Variants in FUT8 observed in about 807,000 individuals in gnomAD.
FUT8 encodes the protein alpha-(1,6)-fucosyltransferase.
In FUT8, 29 loss-of-function variants were observed where a neutral mutation model predicts 71.3. The observed-to-expected ratio is 0.41, with a 90% CI of 0.30 to 0.55. The LOEUF is 0.55. Among genes scored for constraint, FUT8 ranks in the 20% least tolerant of loss-of-function variants. The pLI, the probability that FUT8 is intolerant of heterozygous loss-of-function variation, is 0.34. For missense variants in FUT8, 544 were observed against 702.1 expected (o/e 0.77, Z 2.55); for synonymous variants, 254 against 239.3 (o/e 1.06, Z -0.57).
the FUT8 span, among the ~76,000 whole-genome samples, chr14:65,362,538 A>C: frequency 6.6e-6 from 1 of 151,260 alleles, no homozygotes; most frequent in Non-Finnish European, 1.5e-5. Flanking sequence ...AACAAACAAA[A>C]AGCCCAAATT....
intron 2 of FUT8, among the ~76,000 whole-genome samples, chr14:65,539,508 C>A (rs1185756973): frequency 6.6e-6 from 1 of 152,118 alleles, no homozygotes; most frequent in Non-Finnish European, 1.5e-5. Flanking sequence ...GGATTTGAAT[C>A]CTGGCTCTAC....
chr14:65,412,402 A>G (rs920751799), upstream of FUT8: 16 of 449,836 alleles, frequency 3.6e-5, 1 homozygote, highest in Non-Finnish European at 5.4e-5. Flanking sequence ...TAGGGAGCAC[A>G]GCATTCTCTG....
intron 2 of FUT8, among the ~76,000 whole-genome samples, chr14:65,552,174 T>C (rs1885326795): frequency 6.6e-6 from 1 of 152,192 alleles, no homozygotes; most frequent in Non-Finnish European, 1.5e-5. Context: ...TGGAATAGTT[T>C]ATATTCAGTT....
chr14:65,712,672 T>C (rs1894864107), intron 7 of FUT8, among the ~76,000 whole-genome samples: 1 of 152,222 alleles, frequency 6.6e-6, no homozygotes, highest in Non-Finnish European at 1.5e-5. Flanking sequence ...CTCAAACTTC[T>C]GACCTCAGGT....
At chr14:65,494,186 G>A (rs957501663) in intron 2 of FUT8, among the ~76,000 whole-genome samples, 1 of 152,066 alleles carries the variant, frequency 6.6e-6, no homozygotes, top group Non-Finnish European at 1.5e-5. Context: ...AAAAGAAGCA[G>A]TTAAAATTGG....
At chr14:65,527,239 T>G (rs1468648307) in intron 2 of FUT8, among the ~76,000 whole-genome samples, 3 of 152,220 alleles carry the variant, frequency 2.0e-5, no homozygotes, top group African/African-American at 7.2e-5. Flanking sequence ...TAGTCCCATG[T>G]TTCTTGGAGG....
intron 2 of FUT8, among the ~76,000 whole-genome samples, chr14:65,548,455 G>T (rs547455769): frequency 6.0e-5 from 9 of 151,218 alleles, no homozygotes; most frequent in Non-Finnish European, 1.3e-4. Context: ...TATGTATCAT[G>T]TTTGTTAATC....
chr14:65,365,732 C>A, the FUT8 span, among the ~76,000 whole-genome samples: 1 of 152,144 alleles, frequency 6.6e-6, no homozygotes, highest in African/African-American at 2.4e-5. Flanking sequence ...TATGAATAAT[C>A]CACCCATTGT....
chr14:65,484,701 G>A (rs2066383133), intron 2 of FUT8, among the ~76,000 whole-genome samples: 2 of 152,080 alleles, frequency 1.3e-5, no homozygotes, highest in South Asian at 2.1e-4. Context: ...TGTTAATATG[G>A]TGGATTACAT....
At chr14:65,676,804 A>G (rs1337599936) in intron 7 of FUT8, among the ~76,000 whole-genome samples, 1 of 152,182 alleles carries the variant, frequency 6.6e-6, no homozygotes, top group East Asian at 1.9e-4. Context: ...TGCTTAAAAC[A>G]TGTGGATCAC....
At chr14:65,691,940 TC>T (rs1893626156) in intron 7 of FUT8, among the ~76,000 whole-genome samples, 1 of 152,178 alleles carries the variant, frequency 6.6e-6, no homozygotes, top group African/African-American at 2.4e-5. Context: ...ATCAACAGGA[TC>T]CCAAGGCAGA....
Position 65,669,314 on chromosome 14 carries a change from G to C in FUT8, c.669G>C (p.Gln223His). The change falls in exon 7 of 11, where the codon CAG becomes CAC. Residue 223 changes from glutamine to histidine, a missense_variant. Gln to His is a conservative substitution (Grantham distance 24). Coordinates refer to ENST00000673929, the MANE Select transcript of FUT8 (RefSeq NM_001371533.1). The surrounding 1 kb of genome is among the most constrained non-coding windows in gnomAD (Gnocchi z 4.5). ...ACAAAGGCTGTGGCTATGGCTGTCA[G>C]CTCCATCATGTGGTCTACTGCTTCA... ...NINKGCGYGC[Q>H]LHHVVYCFMI... 6.2e-7 allele frequency: 1 copy of C among 1,613,900 alleles called. No individual in the cohort carries two copies. Among genetic ancestry groups the C allele is most frequent in the Non-Finnish European group, 8.5e-7 (1 of 1,179,896 alleles).
At chr14:65,389,638 G>A in the FUT8 span, among the ~76,000 whole-genome samples, 1 of 151,724 alleles carries the variant, frequency 6.6e-6, no homozygotes, top group African/African-American at 2.4e-5. Flanking sequence ...ATTTTTAGTA[G>A]AGGTGGGGTT....
intron 6 of FUT8, among the ~76,000 whole-genome samples, chr14:65,667,400 T>G (rs1892270125): frequency 6.6e-6 from 1 of 152,090 alleles, no homozygotes. Context: ...GAGAGCTCAA[T>G]CAAGAATGCA....
At chr14:65,471,453 T>A (rs1454348941) in intron 2 of FUT8, among the ~76,000 whole-genome samples, 2 of 152,082 alleles carry the variant, frequency 1.3e-5, no homozygotes, top group Non-Finnish European at 2.9e-5. Flanking sequence ...TTTTTTCAGA[T>A]CTTTACCATG....
chr14:65,537,113 T>A (rs1884369629), intron 2 of FUT8, among the ~76,000 whole-genome samples: 1 of 151,974 alleles, frequency 6.6e-6, no homozygotes, highest in Non-Finnish European at 1.5e-5. Flanking sequence ...ATCAATTATG[T>A]TTTTTCTGTA....
Position 65,561,758 on chromosome 14 carries a change from A to G in FUT8, c.195A>G (p.Glu65=). The G allele has an allele frequency of 6.2e-7, 1 of 1,612,426 alleles. No individual in the cohort carries two copies. The highest frequency in any genetic ancestry group is 1.1e-5 in the South Asian group (1 of 91,022). The change falls in exon 3 of 11, where the codon GAA becomes GAG. Residue 65 remains glutamate, a synonymous_variant. Coordinates refer to ENST00000673929, the MANE Select transcript of FUT8 (RefSeq NM_001371533.1). ...QQNEDLRRMA[E]SLRIPEGPID... is the part of the protein sequence containing the mutation. ...ATGAAGACTTGAGGCGAATGGCCGAATCTCTCCGGTAGGTCCTAAAATACT... is the reference window on the plus strand; with the variant it reads ...ATGAAGACTTGAGGCGAATGGCCGAGTCTCTCCGGTAGGTCCTAAAATACT...
intron 2 of FUT8, among the ~76,000 whole-genome samples, chr14:65,508,494 T>TG (rs1882095848): frequency 8.3e-6 from 1 of 120,050 alleles, no homozygotes; most frequent in Non-Finnish European, 1.7e-5. Context: ...TGTTTGAGTT[T>TG]TTTTTTTTTT....
chr14:65,371,906 G>T, the FUT8 span, among the ~76,000 whole-genome samples: 1 of 145,354 alleles, frequency 6.9e-6, no homozygotes, highest in Admixed American at 6.7e-5. Context: ...GCTAAGGAAT[G>T]TATGTATATA....
Sources: allele counts gnomAD v4.1 joint callset (sites outside exome capture counted in the v4.1 genomes callset), GRCh38; gene constraint gnomAD v4.1.1; non-coding constraint Gnocchi (gnomAD v3.1); transcripts MANE v1.5; gene names NCBI Gene and HGNC (gene_info 2026-07-23, HGNC 2026-07-21).